Variants in ASIC2 observed in about 807,000 individuals in gnomAD.
ASIC2 encodes acid sensing ion channel subunit 2.
A neutral mutation model predicts 57.3 loss-of-function variants in ASIC2; 25 were observed. The ratio of observed to expected loss-of-function variants is 0.44; its 90% CI spans 0.32 to 0.61. The LOEUF (loss-of-function observed/expected upper bound fraction) is 0.61, where lower values mean the gene tolerates loss of function less well. ASIC2 is among the 20% of genes least tolerant of loss of function. ASIC2 has a pLI of 0.06. For synonymous variants in ASIC2, 319 were observed against 307.5 expected (o/e 1.04, Z -0.39); for missense variants, 641 against 738.1 (o/e 0.87, Z 1.52).
intron 1 of ASIC2, chr17:34,039,230 C>G (rs1258191309): frequency 6.2e-7 from 1 of 1,613,728 alleles, no homozygotes; most frequent in Non-Finnish European, 8.5e-7. Context: ...GATATTTTTT[C>G]TATTGTGAGG....
At chr17:33,971,449 A>C (rs1345269621) in intron 1 of ASIC2, among the ~76,000 whole-genome samples, 1 of 152,132 alleles carries the variant, frequency 6.6e-6, no homozygotes, top group Non-Finnish European at 1.5e-5. Context: ...ATGCATACAC[A>C]AACATACGCT....
intron 3 of ASIC2, among the ~76,000 whole-genome samples, chr17:33,045,497 G>A (rs948468886): frequency 6.6e-6 from 1 of 152,194 alleles, no homozygotes; most frequent in Non-Finnish European, 1.5e-5. Flanking sequence ...CCCACAGGAA[G>A]GAGCCTGGGC....
chr17:33,812,450 T>G lies in ASIC2; in HGVS notation c.555+343528A>C, dbSNP rs73986743. On this transcript the variant is annotated intron_variant, in intron 1 of 9. Coordinates refer to the ASIC2 transcript ENST00000359872. ...GAGATTGGAGAGGAGAGCAAGACAA[T>G]AAGATGCTGGTGAGCACTCAGGGGA... Among the ~76,000 whole-genome samples the G allele has an allele frequency of 2.6e-5, 4 of 151,988 alleles. No homozygotes were observed. The South Asian group carries it at 8.3e-4, about 32-fold the overall frequency.
At chr17:33,029,659 C>T (rs892534155) in intron 3 of ASIC2, among the ~76,000 whole-genome samples, 4 of 152,234 alleles carry the variant, frequency 2.6e-5, no homozygotes, top group African/African-American at 4.8e-5. Flanking sequence ...AGCAGTGGAA[C>T]AGCTGGTTTG....
intron 3 of ASIC2, among the ~76,000 whole-genome samples, chr17:33,057,040 T>A (rs8077247): frequency 6.6e-6 from 1 of 152,158 alleles, no homozygotes; most frequent in Non-Finnish European, 1.5e-5. Flanking sequence ...TTTAAGGAGG[T>A]GGGAAGGGAA....
At chr17:33,774,366 A>G (rs1911203066) in intron 1 of ASIC2, among the ~76,000 whole-genome samples, 1 of 152,186 alleles carries the variant, frequency 6.6e-6, no homozygotes, top group Non-Finnish European at 1.5e-5. Flanking sequence ...GTCTGAGGTC[A>G]TGTCTAGGCT....
At chr17:33,712,668 C>T (rs1477829855) in intron 1 of ASIC2, among the ~76,000 whole-genome samples, 1 of 92,342 alleles carries the variant, frequency 1.1e-5, no homozygotes, top group Non-Finnish European at 1.9e-5. Flanking sequence ...TTTTTTGAGA[C>T]GGAGTCTTGC....
At position 33,318,817 on chromosome 17, in the gene ASIC2, C is replaced by T. The variant is rs892505798; in HGVS notation, c.556-206750G>A. Reference sequence around the variant, plus strand: ...AGCAGGAAAGAGGACACAAGAAGGCCCTTTTGGTTTTGAAGTTTGAGCGGG... The same window carrying T: ...AGCAGGAAAGAGGACACAAGAAGGCTCTTTTGGTTTTGAAGTTTGAGCGGG... On this transcript the variant is annotated intron_variant, in intron 1 of 9. Transcript: ENST00000359872. Among the ~76,000 whole-genome samples, 3 of 152,082 alleles carry T rather than the reference C, an allele frequency of 2.0e-5. No individual in the cohort carries two copies. In the South Asian group the frequency reaches 6.2e-4, roughly 32 times the overall value.
chr17:33,122,746 C>A lies in ASIC2; in HGVS notation c.709-10679G>T, dbSNP rs182111936. Among the ~76,000 whole-genome samples, 17 of 152,248 alleles carry A rather than the reference C, an allele frequency of 1.1e-4. No individual in the cohort carries two copies. The East Asian group carries it at 3.3e-3, about 29-fold the overall frequency. On this transcript the variant is annotated intron_variant, in intron 1 of 9. Transcript: ENST00000225823. ...TATTAACTATAGTCACCATGCTGTG[C>A]AACAGAATACCAGGACTCGTTCCTC... is the stretch of plus-strand genomic sequence containing the variant.
At chr17:33,484,511 C>A (rs571552258) in intron 1 of ASIC2, among the ~76,000 whole-genome samples, 1 of 152,274 alleles carries the variant, frequency 6.6e-6, no homozygotes, top group South Asian at 2.1e-4. Context: ...AATATATTTT[C>A]TTCAACCCAA....
At chr17:33,222,240 TA>T (rs1907714816) in intron 1 of ASIC2, among the ~76,000 whole-genome samples, 2 of 152,244 alleles carry the variant, frequency 1.3e-5, no homozygotes, top group Admixed American at 1.3e-4. Context: ...AGTGGAATAT[TA>T]TTTAACAATG....
At chr17:33,364,683 C>A (rs1478006723) in intron 1 of ASIC2, among the ~76,000 whole-genome samples, 2 of 152,190 alleles carry the variant, frequency 1.3e-5, no homozygotes, top group African/African-American at 4.8e-5. Context: ...CCCAGCCATG[C>A]TTCCAGTACA....
intron 1 of ASIC2, among the ~76,000 whole-genome samples, chr17:33,172,774 G>A (rs1260689230): frequency 1.3e-5 from 2 of 152,234 alleles, no homozygotes; most frequent in Admixed American, 1.3e-4. Flanking sequence ...TGGGAACTAG[G>A]TAAAGATGAG....
chr17:33,502,491 C>T (rs1006415671), intron 1 of ASIC2, among the ~76,000 whole-genome samples: 5 of 152,148 alleles, frequency 3.3e-5, no homozygotes, highest in Admixed American at 6.5e-5. Context: ...TAGCTTGGAG[C>T]AAAGAGGGCT....
At chr17:33,591,612 G>C (rs1332942576) in intron 1 of ASIC2, among the ~76,000 whole-genome samples, 2 of 152,124 alleles carry the variant, frequency 1.3e-5, no homozygotes, top group Admixed American at 6.6e-5. Flanking sequence ...CATTGCACCT[G>C]TCTCCTGAGA....
At chr17:33,034,452 G>A (rs1276826197) in intron 3 of ASIC2, among the ~76,000 whole-genome samples, 1 of 152,178 alleles carries the variant, frequency 6.6e-6, no homozygotes, top group African/African-American at 2.4e-5. Context: ...AGCTATGATT[G>A]TGCCACTGCA....
At chr17:33,686,800 G>T (rs1210504393) in intron 1 of ASIC2, among the ~76,000 whole-genome samples, 1 of 152,194 alleles carries the variant, frequency 6.6e-6, no homozygotes, top group Non-Finnish European at 1.5e-5. Context: ...TCTGAGGTCA[G>T]CTCCCATCTG....
At chr17:33,864,351 T>C (rs1364711782) in intron 1 of ASIC2, among the ~76,000 whole-genome samples, 2 of 152,162 alleles carry the variant, frequency 1.3e-5, no homozygotes, top group East Asian at 1.9e-4. Flanking sequence ...CATGCAGATA[T>C]AGAACAAATC....
At chr17:33,544,289 G>A (rs956623243) in intron 1 of ASIC2, among the ~76,000 whole-genome samples, 3 of 152,180 alleles carry the variant, frequency 2.0e-5, no homozygotes, top group African/African-American at 7.2e-5. Flanking sequence ...CCACGCACCA[G>A]CTGATGGACA....
Sources: gnomAD v4.1 joint callset for allele counts (sites outside exome capture counted in the v4.1 genomes callset) on GRCh38, gnomAD v4.1.1 for gene constraint, MANE v1.5 for transcripts, NCBI Gene and HGNC (gene_info 2026-07-23, HGNC 2026-07-21) for gene names.